MYT1L: variants seen among roughly 807,000 people sequenced by gnomAD.
MYT1L encodes myelin transcription factor 1-like protein.
A neutral mutation model predicts 126.7 loss-of-function variants in MYT1L; 12 were observed. The observed-to-expected ratio is 0.09, with a 90% CI of 0.06 to 0.15. MYT1L has a LOEUF of 0.15. Ranked by LOEUF, MYT1L falls within the 10% of genes least tolerant of loss-of-function variation. The pLI, the probability that MYT1L is intolerant of heterozygous loss-of-function variation, is 1.00. For synonymous variants in MYT1L, 541 were observed against 604.2 expected, an observed-to-expected ratio of 0.90 and a Z score of 1.53; for missense variants, 979 against 1,585.2, an observed-to-expected ratio of 0.62 and a Z score of 6.49.
intron 8 of MYT1L, among the ~76,000 whole-genome samples, chr2:1,966,815 G>C (rs183280791): frequency 6.6e-6 from 1 of 151,324 alleles, no homozygotes; most frequent in East Asian, 1.9e-4. Flanking sequence ...AATTTACATC[G>C]ATCATATGAG....
chr2:2,268,843 C>A (rs1265714821), intron 2 of MYT1L, among the ~76,000 whole-genome samples: 1 of 152,032 alleles, frequency 6.6e-6, no homozygotes, highest in Non-Finnish European at 1.5e-5. Flanking sequence ...TAGTTATTAG[C>A]CTAAGTAAAA....
intron 14 of MYT1L, among the ~76,000 whole-genome samples, chr2:1,893,176 G>T (rs2148886517): frequency 6.6e-6 from 1 of 152,306 alleles, no homozygotes; most frequent in East Asian, 1.9e-4. Flanking sequence ...AGGGTTATTT[G>T]TTAGAGCTAT....
At chr2:1,839,478 C>A in intron 20 of MYT1L, 108 bp from the exon 21 acceptor site, 2 of 978,612 alleles carry the variant, frequency 2.0e-6, no homozygotes, top group Admixed American at 4.7e-5. Context: ...AACAACCATG[C>A]CCTCCTGGCT....
intron 21 of MYT1L, among the ~76,000 whole-genome samples, chr2:1,815,659 A>C (rs1286238369): frequency 6.6e-6 from 1 of 151,904 alleles, no homozygotes; most frequent in Non-Finnish European, 1.5e-5. Flanking sequence ...CCCTGGGTAC[A>C]CCTCCATGGA....
chr2:1,959,174 G>T lies in MYT1L; in HGVS notation c.153-15840C>A, dbSNP rs539986873. Among the ~76,000 whole-genome samples the T allele has an allele frequency of 1.3e-4, 20 of 152,272 alleles. No individual in the cohort carries two copies. The South Asian group carries it at 4.2e-3, about 32-fold the overall frequency. Reference sequence around the variant, plus strand: ...ACAAAATGAAACCTGCCACGAGAAGGCTGGACACAATGTTAAGGTGGAGAG... The same window carrying T: ...ACAAAATGAAACCTGCCACGAGAAGTCTGGACACAATGTTAAGGTGGAGAG... On this transcript the variant is annotated intron_variant, in intron 8 of 24. Coordinates refer to ENST00000647738, the MANE Select transcript of MYT1L (RefSeq NM_001303052.2).
intron 1 of MYT1L, among the ~76,000 whole-genome samples, chr2:2,290,508 C>T (rs2095583465): frequency 6.6e-6 from 1 of 152,090 alleles, no homozygotes; most frequent in African/African-American, 2.4e-5. Flanking sequence ...CTGGTGTGGG[C>T]ATAAAGATAA....
intron 8 of MYT1L, among the ~76,000 whole-genome samples, chr2:1,966,600 A>G (rs1268616828): frequency 1.3e-5 from 2 of 152,212 alleles, no homozygotes; most frequent in African/African-American, 4.8e-5. Flanking sequence ...GTCTGCAAAG[A>G]TACTTTTCCC....
intron 2 of MYT1L, among the ~76,000 whole-genome samples, chr2:2,265,174 C>T (rs1177570357): frequency 6.6e-6 from 1 of 151,806 alleles, no homozygotes; most frequent in African/African-American, 2.4e-5. Context: ...ATTACAGGCA[C>T]CTGGCTAATT....
intron 3 of MYT1L, among the ~76,000 whole-genome samples, chr2:2,080,174 A>T (rs1035164680): frequency 2.6e-5 from 4 of 152,200 alleles, no homozygotes; most frequent in African/African-American, 9.6e-5. Context: ...TGGACGCAAA[A>T]TGTATCAAAG....
chr2:2,068,238 G>A (rs2074114572), intron 3 of MYT1L, among the ~76,000 whole-genome samples: 1 of 152,124 alleles, frequency 6.6e-6, no homozygotes, highest in African/African-American at 2.4e-5. Context: ...TGATACCCTG[G>A]CCAGCAGAGC....
chr2:1,979,902 A>AAACAGG lies in MYT1L; in HGVS notation c.1-126_1-125insCCTGTT. The AAACAGG allele has an allele frequency of 2.1e-6, 2 of 959,746 alleles. No homozygotes were observed. Among genetic ancestry groups the AAACAGG allele is most frequent in the Non-Finnish European group, 3.2e-6 (2 of 619,464 alleles). The allele number at this position is 959,746 out of a possible 1,614,324, so 59.5% of individuals were successfully genotyped here. Reference sequence around the variant, plus strand: ...TAATCCTGTTTCCCTCCATGAAGGGAAGCCCTCTACAAGGGCAGGGGGTAA... The same window carrying AAACAGG: ...TAATCCTGTTTCCCTCCATGAAGGGAAACAGGAGCCCTCTACAAGGGCAGGGGGTAA... On this transcript the variant is annotated intron_variant, in intron 5 of 24. Transcript: ENST00000647738. The surrounding 1 kb of genome is among the most constrained non-coding windows in gnomAD (Gnocchi z 4.0).
rs375425438 is a variant in MYT1L at position 2,289,383 on chromosome 2, TA to T, written c.-520-4881del. Among the ~76,000 whole-genome samples the T allele has an allele frequency of 2.4e-4, 36 of 152,376 alleles. No homozygotes were observed. In the East Asian group the frequency reaches 6.6e-3, roughly 28 times the overall value. On this transcript the variant is annotated intron_variant, in intron 1 of 24. Coordinates refer to ENST00000647738, the MANE Select transcript of MYT1L (RefSeq NM_001303052.2). ...TAGTATAGTGGTTCATACTCTTAATTAAAAACAATTTTTAATTTGCTGATTA... is the reference window on the plus strand; with the variant it reads ...TAGTATAGTGGTTCATACTCTTAATTAAAACAATTTTTAATTTGCTGATTA...
intron 23 of MYT1L, 44 bp from the exon 24 acceptor site, chr2:1,792,508 T>G: frequency 6.3e-7 from 1 of 1,584,928 alleles, no homozygotes; most frequent in Non-Finnish European, 8.6e-7. Flanking sequence ...CAGGAGGACC[T>G]AGGAGCGCGT....
intron 1 of MYT1L, among the ~76,000 whole-genome samples, chr2:2,314,099 A>G (rs575705810): frequency 3.3e-5 from 5 of 152,306 alleles, no homozygotes; most frequent in African/African-American, 9.6e-5. Context: ...CTCTTTAATC[A>G]TCTTGTAAAT....
intron 3 of MYT1L, among the ~76,000 whole-genome samples, chr2:2,056,036 G>A (rs1432876198): frequency 6.6e-6 from 1 of 152,226 alleles, no homozygotes; most frequent in East Asian, 1.9e-4. Context: ...TGTCAGGAGA[G>A]GGACAGGTTT....
At chr2:2,169,940 G>GTACTA (rs1450837136) in intron 3 of MYT1L, among the ~76,000 whole-genome samples, 10 of 152,180 alleles carry the variant, frequency 6.6e-5, no homozygotes, top group Non-Finnish European at 1.2e-4. Context: ...AGTCAGACAG[G>GTACTA]GTGATACAGG....
intron 3 of MYT1L, among the ~76,000 whole-genome samples, chr2:2,139,129 G>C (rs905494759): frequency 6.6e-6 from 1 of 151,250 alleles, no homozygotes; most frequent in African/African-American, 2.4e-5. Context: ...GTGAATCTAA[G>C]AGGACTTCCT....
At chr2:2,306,963 T>C (rs917100632) in intron 1 of MYT1L, among the ~76,000 whole-genome samples, 7 of 152,190 alleles carry the variant, frequency 4.6e-5, no homozygotes, top group Admixed American at 4.6e-4. Context: ...AGAATTCATC[T>C]GGAAGGAACA....
intron 1 of MYT1L, chr2:2,303,884 A>G (rs906464750): frequency 2.0e-5 from 3 of 152,184 alleles, no homozygotes; most frequent in Non-Finnish European, 4.4e-5. Context: ...TGCTGCACAC[A>G]TTGAAAAACA....
Sources: gnomAD v4.1 joint callset for allele counts (sites outside exome capture counted in the v4.1 genomes callset) on GRCh38, gnomAD v4.1.1 for gene constraint, Gnocchi (gnomAD v3.1) non-coding constraint, MANE v1.5 for transcripts, NCBI Gene and HGNC (gene_info 2026-07-23, HGNC 2026-07-21) for gene names.